The following MYH15 variants were observed in gnomAD, a reference collection of about 807,000 sequenced individuals.
MYH15 encodes the protein myosin heavy chain 15, also known as myosin-15.
MYH15 carries 227 observed loss-of-function variants against 240.5 expected under a neutral mutation model. That is an observed-to-expected ratio of 0.94 (90% CI 0.85 to 1.05). The LOEUF (loss-of-function observed/expected upper bound fraction) is 1.05. MYH15 is among the 50% of genes least tolerant of loss of function. MYH15 has a pLI of 0.00. For synonymous variants in MYH15, 785 were observed against 796.7 expected (o/e 0.99, Z 0.25); for missense variants, 2,217 against 2,247.5 (o/e 0.99, Z 0.27).
At chr3:108,521,008 G>A (rs970917127) in intron 1 of MYH15, among the ~76,000 whole-genome samples, 2 of 152,068 alleles carry the variant, frequency 1.3e-5, no homozygotes, top group African/African-American at 4.8e-5. Context: ...TGATAAGCTA[G>A]TCATTTTGGG....
Position 108,459,378 on chromosome 3 carries a change from A to G in MYH15, c.2004T>C (p.Asn668=), listed in dbSNP as rs754577139. 1.3e-5 allele frequency: 20 copies of G among 1,596,814 alleles called. No homozygotes were observed. In the East Asian group the frequency reaches 4.5e-4, roughly 36 times the overall value. The change falls in exon 18 of 41, where the codon AAT becomes AAC. Residue 668 remains asparagine, a synonymous_variant. Coordinates refer to ENST00000693548, the MANE Select transcript of MYH15 (RefSeq NM_014981.3). The part of the protein sequence containing the change: ...APHFVRCINP[N]VNKIPGILDP... ...AGTTCTTACCTGGTATTTTGTTCACATTGGGATTTATGCATCTCACAAAAT... is the reference window on the plus strand; with the variant it reads ...AGTTCTTACCTGGTATTTTGTTCACGTTGGGATTTATGCATCTCACAAAAT...
At chr3:108,460,921 G>A (rs899323417) in intron 16 of MYH15, among the ~76,000 whole-genome samples, 3 of 151,986 alleles carry the variant, frequency 2.0e-5, no homozygotes, top group South Asian at 2.1e-4. Flanking sequence ...ATCTATATGA[G>A]ATTACAGATA....
chr3:108,488,801 A>T (rs1286241042), intron 9 of MYH15, among the ~76,000 whole-genome samples: 2 of 152,180 alleles, frequency 1.3e-5, no homozygotes, highest in African/African-American at 4.8e-5. Context: ...ATGTATTCCC[A>T]GTAGTAGATG....
intron 16 of MYH15, 125 bp downstream of exon 16, chr3:108,462,986 G>C (rs981525595): frequency 9.3e-7 from 1 of 1,074,830 alleles, no homozygotes; most frequent in East Asian, 2.5e-5. Context: ...CTAATAAGAG[G>C]GGACGACTCA....
At chr3:108,495,105 G>A (rs2083380587) in intron 7 of MYH15, among the ~76,000 whole-genome samples, 1 of 152,140 alleles carries the variant, frequency 6.6e-6, no homozygotes, top group Non-Finnish European at 1.5e-5. Context: ...ATCGGCATGA[G>A]GTTATTATTT....
At chr3:108,432,755 C>T (rs1394449547) in intron 25 of MYH15, among the ~76,000 whole-genome samples, 10 of 152,208 alleles carry the variant, frequency 6.6e-5, no homozygotes, top group Admixed American at 6.5e-4. Flanking sequence ...TGGCAACTTC[C>T]ACCTGGTATG....
In MYH15 at chr3:108,464,827, C is replaced by T; in HGVS notation, c.1555-13G>A. ...GGATGCCCATTGGCTGTTGAAGAGACATAAGAGCAGCAGATTTCTTTAAAA... is the reference window on the plus strand; with the variant it reads ...GGATGCCCATTGGCTGTTGAAGAGATATAAGAGCAGCAGATTTCTTTAAAA... On this transcript the variant is annotated splice_polypyrimidine_tract_variant and intron_variant, in intron 14 of 40. Transcript: ENST00000693548. The T allele has an allele frequency of 6.3e-7, 1 of 1,579,966 alleles. No homozygotes were observed. Among genetic ancestry groups the T allele is most frequent in the South Asian group, 1.2e-5 (1 of 85,814 alleles).
chr3:108,537,324 T>C, the MYH15 span, among the ~76,000 whole-genome samples: 2 of 152,134 alleles, frequency 1.3e-5, no homozygotes, highest in African/African-American at 4.8e-5. Context: ...TGTCTATTCC[T>C]CTTTAGGCTC....
At position 108,493,147 on chromosome 3, in the gene MYH15, T is replaced by C; in HGVS notation, c.742A>G (p.Arg248Gly). ...GKFIRMHFGA[R>G]GMLSSVDIDI... ...ATGTCCACAGATGACAGCATGCCTCTGGCACCAAAGTGCATCCTGATGAAT... is the reference window on the plus strand; with the variant it reads ...ATGTCCACAGATGACAGCATGCCTCCGGCACCAAAGTGCATCCTGATGAAT... The change falls in exon 8 of 41, where the codon AGA becomes GGA. Residue 248 changes from arginine (R) to glycine (G), a missense_variant. Arg to Gly is a moderately radical substitution (Grantham distance 125). Transcript: ENST00000693548. The C allele has an allele frequency of 6.2e-7, 1 of 1,614,158 alleles. No homozygotes were observed.
chr3:108,509,288 G>C (rs538858177), intron 1 of MYH15, among the ~76,000 whole-genome samples: 1 of 152,262 alleles, frequency 6.6e-6, no homozygotes, highest in South Asian at 2.1e-4. Context: ...TTATGGTGCT[G>C]ATTTTAATAA....
intron 1 of MYH15, among the ~76,000 whole-genome samples, chr3:108,506,342 A>G (rs1427134826): frequency 1.3e-5 from 2 of 152,208 alleles, no homozygotes. Context: ...GGGCAGGTTG[A>G]GGAGAGAGAA....
chr3:108,482,946 G>A (rs1350202360), intron 11 of MYH15, among the ~76,000 whole-genome samples: 1 of 152,114 alleles, frequency 6.6e-6, no homozygotes, highest in African/African-American at 2.4e-5. Flanking sequence ...TGTAATCCCA[G>A]CACTTTGGGA....
At chr3:108,548,826 T>G in the MYH15 span, among the ~76,000 whole-genome samples, 4 of 152,118 alleles carry the variant, frequency 2.6e-5, no homozygotes, top group Admixed American at 6.6e-5. Context: ...TTCATTTAAC[T>G]GACAGTGCTA....
intron 38 of MYH15, among the ~76,000 whole-genome samples, chr3:108,388,013 GTAAAAATGGGTGCC>G (rs2082396756): frequency 6.6e-6 from 1 of 152,192 alleles, no homozygotes; most frequent in East Asian, 1.9e-4. Flanking sequence ...CAAAGAAGCT[GTAAAAATGGGTGCC>G]TAAAATAAAT....
At chr3:108,547,405 T>C in the MYH15 span, among the ~76,000 whole-genome samples, 2 of 152,166 alleles carry the variant, frequency 1.3e-5, no homozygotes, top group Non-Finnish European at 2.9e-5. Flanking sequence ...ACTCATTTAA[T>C]ATTTATTGGT....
chr3:108,460,755 TG>T (rs1401207555), intron 16 of MYH15, among the ~76,000 whole-genome samples: 2 of 152,152 alleles, frequency 1.3e-5, no homozygotes, highest in Non-Finnish European at 2.9e-5. Context: ...ATTTCTAGGA[TG>T]TTTTTAGATA....
At chr3:108,516,193 T>C (rs2083571037) in intron 1 of MYH15, among the ~76,000 whole-genome samples, 1 of 152,238 alleles carries the variant, frequency 6.6e-6, no homozygotes, top group Non-Finnish European at 1.5e-5. Flanking sequence ...CATAATTGAT[T>C]AGATTCGCTT....
chr3:108,418,414 AT>A (rs1250742714), intron 28 of MYH15, among the ~76,000 whole-genome samples: 2 of 152,230 alleles, frequency 1.3e-5, no homozygotes, highest in East Asian at 3.8e-4. Flanking sequence ...TTTTACCAGT[AT>A]GTTTTAGTGC....
chr3:108,550,987 C>T, the MYH15 span: 2 of 392,250 alleles, frequency 5.1e-6, no homozygotes, highest in South Asian at 1.3e-4. Context: ...TCTATTCAAA[C>T]TATCAAATAA....
Sources: gnomAD v4.1 joint callset for allele counts (sites outside exome capture counted in the v4.1 genomes callset) on GRCh38, gnomAD v4.1.1 for gene constraint, MANE v1.5 for transcripts, NCBI Gene and HGNC (gene_info 2026-07-23, HGNC 2026-07-21) for gene names.